Variants in METTL2A observed in about 807,000 individuals in gnomAD.
METTL2A encodes methyltransferase 2A, tRNA N3-cytidine.
METTL2A carries 45 observed loss-of-function variants against 49.4 expected under a neutral mutation model. That is an observed-to-expected ratio of 0.91 (90% CI 0.72 to 1.17). The LOEUF (loss-of-function observed/expected upper bound fraction) is 1.17. Ranked by LOEUF, METTL2A falls within the 50% of genes most tolerant of loss-of-function variation. The pLI, the probability that METTL2A is intolerant of heterozygous loss-of-function variation, is 0.00. For synonymous variants in METTL2A, 118 were observed against 167.5 expected, an observed-to-expected ratio of 0.70 and a Z score of 2.28; for missense variants, 361 against 462.2, an observed-to-expected ratio of 0.78 and a Z score of 2.01.
rs2070787798 is a variant in METTL2A at position 62,448,985 on chromosome 17, T to C, written c.*256T>C. On this transcript the variant is annotated 3_prime_UTR_variant, in exon 9 of 9. Coordinates refer to ENST00000311506, the MANE Select transcript of METTL2A (RefSeq NM_181725.4). The stretch of plus-strand genomic sequence containing the variant: ...CAATTCAAGAATTCAGACTTGAACC[T>C]TAAACCTAGGAAAAGTTACTTTGTA... 1.2e-5 allele frequency: 5 copies of C among 412,962 alleles called. No individual in the cohort carries two copies. The highest frequency in any genetic ancestry group is 4.3e-5 in the East Asian group (1 of 23,146). The allele number at this position is 412,962 out of a possible 1,614,324, so 25.6% of individuals were successfully genotyped here. A position where few individuals can be genotyped will look rare whatever the true frequency, so the allele number is the denominator to read the frequency against.
chr17:62,440,136 C>T (rs2070729253), intron 5 of METTL2A, among the ~76,000 whole-genome samples: 1 of 151,932 alleles, frequency 6.6e-6, no homozygotes, highest in East Asian at 1.9e-4. Flanking sequence ...AGCGATTCTC[C>T]TGCCTCAGCC....
At chr17:62,438,411 A>G (rs1203611989) in intron 5 of METTL2A, among the ~76,000 whole-genome samples, 2 of 150,902 alleles carry the variant, frequency 1.3e-5, no homozygotes, top group Non-Finnish European at 3.0e-5. Flanking sequence ...CCATCTCAAA[A>G]AAAAAAAAAA....
intron 4 of METTL2A, among the ~76,000 whole-genome samples, chr17:62,430,803 C>G (rs976143162): frequency 9.9e-5 from 15 of 152,062 alleles, no homozygotes; most frequent in Non-Finnish European, 1.9e-4. Context: ...CTCAGCCTCC[C>G]GAGTAGTTGG....
chr17:62,425,069 A>G (rs2070614313), intron 2 of METTL2A, among the ~76,000 whole-genome samples: 1 of 150,540 alleles, frequency 6.6e-6, no homozygotes, highest in South Asian at 2.1e-4. Flanking sequence ...ATGTGGTTCA[A>G]TATTCTCTTT....
rs1270353936 is a variant in METTL2A at position 62,441,043 on chromosome 17, C to T, written c.809+287C>T. Among the ~76,000 whole-genome samples the T allele has an allele frequency of 1.3e-5, 2 of 152,048 alleles. No homozygotes were observed. The highest frequency in any genetic ancestry group is 2.9e-5 in the Non-Finnish European group (2 of 67,996). ...CTGGTCTTGAATTCCTGGGCTCAAG[C>T]GATCCTCCCACCTTGGCCTCCCAAA... On this transcript the variant is annotated intron_variant, in intron 6 of 8. Coordinates refer to ENST00000311506, the MANE Select transcript of METTL2A (RefSeq NM_181725.4).
At chr17:62,425,388 A>ATTTTTTTTTT (rs2070616606) in intron 2 of METTL2A, among the ~76,000 whole-genome samples, 1 of 17,846 alleles carries the variant, frequency 5.6e-5, no homozygotes, top group African/African-American at 1.3e-4. Flanking sequence ...AACTGTCCAT[A>ATTTTTTTTTT]CTTTTTTTTT....
chr17:62,429,590 C>G (rs2070651156), intron 4 of METTL2A, among the ~76,000 whole-genome samples: 1 of 152,038 alleles, frequency 6.6e-6, no homozygotes, highest in Non-Finnish European at 1.5e-5. Context: ...CGCGCCCAGC[C>G]TGCTGAGGAA....
At position 62,449,344 on chromosome 17, in the gene METTL2A, CAA is replaced by C; in HGVS notation, c.*623_*624del. On this transcript the variant is annotated 3_prime_UTR_variant, in exon 9 of 9. Transcript: ENST00000311506. ...AGAATCAGATCAGATATTTTCCTGA[CAA>C]AAAAAAATGACCCTACAGAGAGCAT... 1 of 420,302 alleles carries C rather than the reference CAA, an allele frequency of 2.4e-6. No individual in the cohort carries two copies. Among genetic ancestry groups the C allele is most frequent in the Non-Finnish European group, 4.7e-6 (1 of 212,700 alleles). 26.0% of individuals were successfully genotyped at this position (420,302 alleles called of 1,614,324 possible).
At chr17:62,429,581 G>A (rs1456832649) in intron 4 of METTL2A, among the ~76,000 whole-genome samples, 4 of 152,088 alleles carry the variant, frequency 2.6e-5, no homozygotes, top group Non-Finnish European at 1.5e-5. Context: ...GTGAGCCACC[G>A]CGCCCAGCCT....
chr17:62,433,841 C>T (rs2070682659), intron 4 of METTL2A, among the ~76,000 whole-genome samples: 1 of 151,526 alleles, frequency 6.6e-6, no homozygotes, highest in Non-Finnish European at 1.5e-5. Flanking sequence ...GCAGGTGGAT[C>T]ACCTGAGGTC....
At position 62,451,517 on chromosome 17, in the gene METTL2A, C is replaced by G. The variant is rs2070805796; in HGVS notation, c.*2788C>G. On this transcript the variant is annotated 3_prime_UTR_variant, in exon 9 of 9. Transcript: ENST00000311506. ...GTGGCTCACACCTGTAATCCCAGCA[C>G]TTTGGGAGGCCAAGGTGGGCGGATC... Among the ~76,000 whole-genome samples, 1 of 150,692 alleles carries G rather than the reference C, an allele frequency of 6.6e-6. No homozygotes were observed. Among genetic ancestry groups the G allele is most frequent in the African/African-American group, 2.4e-5 (1 of 41,168 alleles).
Position 62,426,369 on chromosome 17 carries a change from G to A in METTL2A, c.273G>A (p.Lys91=). Residue 91 remains lysine (K), a synonymous_variant, in exon 3 of 9, where the codon AAG becomes AAA. Coordinates refer to ENST00000311506, the MANE Select transcript of METTL2A (RefSeq NM_181725.4). ...AAATCCACGAAAATGGGTTTTTCAA[G>A]GATAGACATTGGCTTTTTACCGAAT... is the stretch of plus-strand genomic sequence containing the variant. ...FYKIHENGFF[K]DRHWLFTEFP... is the part of the protein sequence containing the mutation. The A allele has an allele frequency of 6.2e-7, 1 of 1,613,790 alleles. No homozygotes were observed. Among genetic ancestry groups the A allele is most frequent in the Non-Finnish European group, 8.5e-7 (1 of 1,179,898 alleles).
rs944803718 is a variant in METTL2A at position 62,453,180 on chromosome 17, TCTC to T, written c.*4454_*4456del. On this transcript the variant is annotated 3_prime_UTR_variant, in exon 9 of 9. Transcript: ENST00000311506. ...GGGCTTAGATTAAAAAGACGAGCCT[TCTC>T]CTGCCCCTGCTCCCTTTTATTCTCT... Among the ~76,000 whole-genome samples, 6 of 152,146 alleles carry T rather than the reference TCTC, an allele frequency of 3.9e-5. No individual in the cohort carries two copies. Among genetic ancestry groups the T allele is most frequent in the South Asian group, 2.1e-4 (1 of 4,826 alleles).
At position 62,426,352 on chromosome 17, in the gene METTL2A, G is replaced by A. The variant is rs763821475; in HGVS notation, c.256G>A (p.Glu86Lys). 58 of 1,613,510 alleles carry A rather than the reference G, an allele frequency of 3.6e-5. No homozygotes were observed. The highest frequency in any genetic ancestry group is 6.7e-5 in the Admixed American group (4 of 59,920). The change falls in exon 3 of 9, where the codon GAA (glutamate) becomes AAA (lysine). Residue 86 changes from glutamate to lysine, a missense_variant. By Grantham distance (56) the Glu-to-Lys change is moderately conservative (BLOSUM62 1). Coordinates refer to ENST00000311506, the MANE Select transcript of METTL2A (RefSeq NM_181725.4). Reference protein sequence around the residue: ...KYWNDFYKIHENGFFKDRHWL... With the variant: ...KYWNDFYKIHKNGFFKDRHWL... The stretch of plus-strand genomic sequence containing the variant: ...CTGGAATGACTTCTACAAAATCCAC[G>A]AAAATGGGTTTTTCAAGGATAGACA...
rs566648981 is a variant in METTL2A at position 62,424,111 on chromosome 17, T to A, written c.110+99T>A. 42 of 1,582,672 alleles carry A rather than the reference T, an allele frequency of 2.7e-5. No homozygotes were observed. In the East Asian group the frequency reaches 8.6e-4, roughly 33 times the overall value. On this transcript the variant is annotated intron_variant, in intron 1 of 8. Coordinates refer to ENST00000311506, the MANE Select transcript of METTL2A (RefSeq NM_181725.4). ...CCTGACCGCCGGCCACGAGTCAAGCTGCCCTACCCGAGGCACTCTCCAAGG... is the reference window on the plus strand; with the variant it reads ...CCTGACCGCCGGCCACGAGTCAAGCAGCCCTACCCGAGGCACTCTCCAAGG...
rs1482236666 is a variant in METTL2A, at chr17:62,425,874, G to T, written c.203-425G>T. Among the ~76,000 whole-genome samples the T allele has an allele frequency of 5.3e-5, 8 of 151,436 alleles. No individual in the cohort carries two copies. The East Asian group carries it at 1.2e-3, about 23-fold the overall frequency. ...AAATTAGCCGGGCGTGGTGGCAGGC[G>T]CCTGTAGTCCCAGCTACTCAGTAGG... is the stretch of plus-strand genomic sequence containing the variant. On this transcript the variant is annotated intron_variant, in intron 2 of 8. Coordinates refer to ENST00000311506, the MANE Select transcript of METTL2A (RefSeq NM_181725.4).
chr17:62,449,300 T>C lies in METTL2A; in HGVS notation c.*571T>C, dbSNP rs1567738691. The C allele has an allele frequency of 2.5e-6, 1 of 397,550 alleles. No homozygotes were observed. The highest frequency in any genetic ancestry group is 4.9e-6 in the Non-Finnish European group (1 of 203,648). 24.6% of individuals were successfully genotyped at this position (397,550 alleles called of 1,614,324 possible). A position where few individuals can be genotyped will look rare whatever the true frequency, so the allele number is the denominator to read the frequency against. ...GGTTAGTGAAGGGCTTATTAAGTTG[T>C]AGGGGAAGCAAGCTGGGAAGAATCA... On this transcript the variant is annotated 3_prime_UTR_variant, in exon 9 of 9. Coordinates refer to ENST00000311506, the MANE Select transcript of METTL2A (RefSeq NM_181725.4).
chr17:62,428,459 C>T (rs1182320779), intron 4 of METTL2A, among the ~76,000 whole-genome samples: 6 of 152,182 alleles, frequency 3.9e-5, no homozygotes, highest in African/African-American at 9.7e-5. Flanking sequence ...TCAGATCCCA[C>T]AAGTTAAGGG....
chr17:62,440,673 T>A lies in METTL2A; in HGVS notation c.726T>A (p.Asp242Glu). 1 of 1,614,138 alleles carries A rather than the reference T, an allele frequency of 6.2e-7. No homozygotes were observed. The highest frequency in any genetic ancestry group is 8.5e-7 in the Non-Finnish European group (1 of 1,180,024). Reference sequence around the variant, plus strand: ...TTGCCTTTGTTCACGACCTGTGTGATGAAGAGAAGAGTTACCCAGTGCCCA... The same window carrying A: ...TTGCCTTTGTTCACGACCTGTGTGAAGAAGAGAAGAGTTACCCAGTGCCCA... Reference protein sequence around the residue: ...RCFAFVHDLCDEEKSYPVPKG... With the variant: ...RCFAFVHDLCEEEKSYPVPKG... The change falls in exon 6 of 9, where the codon GAT becomes GAA. Residue 242 changes from aspartate (D) to glutamate (E), a missense_variant. This residue lies in a region of METTL2A where 183 missense variants were observed against 216.5 expected (regional missense o/e 0.85). Coordinates refer to ENST00000311506, the MANE Select transcript of METTL2A (RefSeq NM_181725.4).
Sources: gnomAD v4.1 joint callset for allele counts (sites outside exome capture counted in the v4.1 genomes callset) on GRCh38, gnomAD v4.1.1 for gene constraint, gnomAD v4.1.1 regional missense constraint, MANE v1.5 for transcripts, NCBI Gene and HGNC (gene_info 2026-07-23, HGNC 2026-07-21) for gene names.